MYOM1: variants seen among roughly 807,000 people sequenced by gnomAD.
MYOM1 encodes the protein myomesin-1.
A neutral mutation model predicts 205.3 loss-of-function variants in MYOM1; 164 were observed. That is an observed-to-expected ratio of 0.80 (90% confidence interval 0.70 to 0.91). The LOEUF is 0.91. MYOM1 is among the 40% of genes least tolerant of loss of function. MYOM1 has a pLI of 0.00. For synonymous variants in MYOM1, 772 were observed against 789.4 expected (o/e 0.98, Z 0.37); for missense variants, 2,011 against 2,127.3 (o/e 0.95, Z 1.08).
Position 3,189,580 on chromosome 18 carries a change from G to A in MYOM1, c.432-493C>T, listed in dbSNP as rs922562637. On this transcript the variant is annotated intron_variant, in intron 3 of 37. Coordinates refer to ENST00000356443, the MANE Select transcript of MYOM1 (RefSeq NM_003803.4). The surrounding 1 kb of genome is among the most constrained non-coding windows in gnomAD (Gnocchi z 4.8). Reference sequence around the variant, plus strand: ...TCACCATGTTGGCCAGGCTGGTCTCGAATTCCTGACCTGAGGTGATCCACC... The same window carrying A: ...TCACCATGTTGGCCAGGCTGGTCTCAAATTCCTGACCTGAGGTGATCCACC... Among the ~76,000 whole-genome samples, 4 of 152,098 alleles carry A rather than the reference G, an allele frequency of 2.6e-5. No individual in the cohort carries two copies. Among genetic ancestry groups the A allele is most frequent in the African/African-American group, 9.7e-5 (4 of 41,414 alleles).
chr18:3,163,996 G>T (rs1019204798), intron 10 of MYOM1, among the ~76,000 whole-genome samples: 2 of 149,924 alleles, frequency 1.3e-5, no homozygotes, highest in Admixed American at 1.3e-4. Flanking sequence ...GGGACCACAG[G>T]TGCATGCCGC....
At chr18:3,177,397 C>A (rs754027119) in intron 5 of MYOM1, among the ~76,000 whole-genome samples, 35 of 151,368 alleles carry the variant, frequency 2.3e-4, no homozygotes, top group Admixed American at 5.9e-4. Flanking sequence ...AGGATGAGAG[C>A]AAAACATTCT....
chr18:3,153,731 A>G (rs1316489331), intron 11 of MYOM1, among the ~76,000 whole-genome samples: 2 of 152,238 alleles, frequency 1.3e-5, no homozygotes, highest in African/African-American at 4.8e-5. Flanking sequence ...GCATGTATTT[A>G]TGTACTGCGA....
intron 19 of MYOM1, among the ~76,000 whole-genome samples, chr18:3,120,226 C>T (rs2079668369): frequency 6.6e-6 from 1 of 152,034 alleles, no homozygotes; most frequent in African/African-American, 2.4e-5. Flanking sequence ...GATTGTGTCA[C>T]CCCATATGGC....
At chr18:3,201,651 CTT>C (rs1196638648) in intron 2 of MYOM1, among the ~76,000 whole-genome samples, 5 of 141,604 alleles carry the variant, frequency 3.5e-5, no homozygotes, top group Non-Finnish European at 4.7e-5. Context: ...CTATTAAATT[CTT>C]TTTTTTTTTT....
intron 13 of MYOM1, among the ~76,000 whole-genome samples, chr18:3,147,298 G>A (rs910856853): frequency 6.6e-6 from 1 of 151,316 alleles, no homozygotes; most frequent in East Asian, 1.9e-4. Context: ...AGGAGCAAAC[G>A]AATGTATGAG....
At chr18:3,074,526 ACTC>A (rs2078998574) in intron 36 of MYOM1, among the ~76,000 whole-genome samples, 1 of 152,040 alleles carries the variant, frequency 6.6e-6, no homozygotes, top group African/African-American at 2.4e-5. Context: ...TTAGTCAGTG[ACTC>A]CTAAGATCCT....
At chr18:3,076,540 A>C (rs1452568851) in intron 34 of MYOM1, among the ~76,000 whole-genome samples, 23 of 152,100 alleles carry the variant, frequency 1.5e-4, no homozygotes. Flanking sequence ...AAAAAAGCAC[A>C]ATGAGTTACT....
chr18:3,228,129 G>T, the MYOM1 span, among the ~76,000 whole-genome samples: 1 of 152,158 alleles, frequency 6.6e-6, no homozygotes, highest in African/African-American at 2.4e-5. The surrounding 1 kb of genome is among the most constrained non-coding windows in gnomAD (Gnocchi z 4.5). Context: ...TCACTGGTTT[G>T]CCAGCCCCCA....
At chr18:3,178,539 T>C (rs2080683311) in intron 5 of MYOM1, among the ~76,000 whole-genome samples, 1 of 152,210 alleles carries the variant, frequency 6.6e-6, no homozygotes, top group African/African-American at 2.4e-5. Flanking sequence ...CTGGCTTCAG[T>C]CAGCTCCTTC....
intron 36 of MYOM1, among the ~76,000 whole-genome samples, chr18:3,072,612 C>T (rs1347481382): frequency 6.6e-6 from 1 of 151,910 alleles, no homozygotes; most frequent in African/African-American, 2.4e-5. Flanking sequence ...CCTCTGCCTC[C>T]CAAATTGCTG....
At chr18:3,197,808 G>T (rs1257775015) in intron 2 of MYOM1, among the ~76,000 whole-genome samples, 1 of 152,212 alleles carries the variant, frequency 6.6e-6, no homozygotes, top group South Asian at 2.1e-4. Flanking sequence ...GGGAGGCAGA[G>T]CTTGCAGTGA....
chr18:3,143,900 CA>C (rs55830599), intron 13 of MYOM1, among the ~76,000 whole-genome samples: 14,283 of 48,896 alleles, frequency 0.29, 472 homozygotes, highest in East Asian at 0.35. Flanking sequence ...GACCCTGTCT[CA>C]AAAAAAAAAA....
chr18:3,102,637 G>T lies in MYOM1; in HGVS notation c.3419-7C>A, dbSNP rs774981969. 1 of 1,608,644 alleles carries T rather than the reference G, an allele frequency of 6.2e-7. No individual in the cohort carries two copies. Among genetic ancestry groups the T allele is most frequent in the Admixed American group, 1.7e-5 (1 of 58,896 alleles). ...ACAACAACCTCTTTGGTTCCTACAA[G>T]ATCAAAAAGAAGGCACTGATACTTC... On this transcript the variant is annotated splice_polypyrimidine_tract_variant and splice_region_variant and intron_variant, in intron 22 of 37. Coordinates refer to ENST00000356443, the MANE Select transcript of MYOM1 (RefSeq NM_003803.4).
At chr18:3,237,819 G>C in the MYOM1 span, among the ~76,000 whole-genome samples, 75 of 152,168 alleles carry the variant, frequency 4.9e-4, 1 homozygote, top group East Asian at 0.014. Flanking sequence ...ATTGTTTAAT[G>C]GTCATAGAAT....
In MYOM1 at chr18:3,131,398, G is replaced by C. The variant is rs2079873904; in HGVS notation, c.2483C>G (p.Ala828Gly). Reference protein sequence around the residue: ...GLSEYSQDSEAIEVKAAIGGG... With the variant: ...GLSEYSQDSEGIEVKAAIGGG... ...ACCAATAGCAGCTTTGACTTCAATA[G>C]CTTCTGAATCCTGGGAATATTCACT... Residue 828 changes from alanine to glycine, a missense_variant, in exon 17 of 38, where the codon GCT becomes GGT. By Grantham distance (60) the Ala-to-Gly change is moderately conservative. Coordinates refer to ENST00000356443, the MANE Select transcript of MYOM1 (RefSeq NM_003803.4). 6.2e-7 allele frequency: 1 copy of C among 1,613,846 alleles called. No homozygotes were observed. Among genetic ancestry groups the C allele is most frequent in the East Asian group, 2.2e-5 (1 of 44,868 alleles).
intron 21 of MYOM1, among the ~76,000 whole-genome samples, chr18:3,115,145 G>A (rs8093603): frequency 0.83 from 125,696 of 151,878 alleles, 52,817 homozygotes; most frequent in Non-Finnish European, 0.89. Context: ...GGGGTTTCTC[G>A]GAATCCAGGG....
intron 22 of MYOM1, among the ~76,000 whole-genome samples, chr18:3,109,665 C>T (rs1444936491): frequency 6.6e-6 from 1 of 152,130 alleles, no homozygotes; most frequent in Non-Finnish European, 1.5e-5. Context: ...GTCGTTGTTG[C>T]CTAAAAAGGA....
chr18:3,115,967 AC>A (rs1280303281), intron 21 of MYOM1, among the ~76,000 whole-genome samples: 1 of 151,996 alleles, frequency 6.6e-6, no homozygotes, highest in Non-Finnish European at 1.5e-5. Context: ...CCTCAAATCA[AC>A]CATCCCCCTA....
Sources: gnomAD v4.1 joint callset for allele counts (sites outside exome capture counted in the v4.1 genomes callset) on GRCh38, gnomAD v4.1.1 for gene constraint, Gnocchi (gnomAD v3.1) non-coding constraint, MANE v1.5 for transcripts, NCBI Gene and HGNC (gene_info 2026-07-23, HGNC 2026-07-21) for gene names.